Variants in GRM7 observed in about 807,000 individuals in gnomAD.
GRM7 encodes the protein metabotropic glutamate receptor 7.
GRM7 carries 35 observed loss-of-function variants against 84.5 expected under a neutral mutation model. The observed-to-expected ratio is 0.41, with a 90% CI of 0.32 to 0.55. GRM7 has a LOEUF of 0.55. Ranked by LOEUF, GRM7 falls within the 20% of genes least tolerant of loss-of-function variation. The probability of loss-of-function intolerance (pLI) is 0.19; values close to 1 mark genes in which losing one functional copy is unlikely to be tolerated. For missense variants in GRM7, 1,003 were observed against 1,194.6 expected (o/e 0.84, Z 2.36); for synonymous variants, 487 against 455.1 (o/e 1.07, Z -0.89).
intron 2 of GRM7, among the ~76,000 whole-genome samples, chr3:7,215,709 C>T (rs893771079): frequency 6.6e-6 from 1 of 151,828 alleles, no homozygotes; most frequent in Non-Finnish European, 1.5e-5. Context: ...CTTTTCTACT[C>T]TGAAAAGTTG....
At chr3:7,499,207 T>C (rs1699802423) in intron 7 of GRM7, among the ~76,000 whole-genome samples, 1 of 152,148 alleles carries the variant, frequency 6.6e-6, no homozygotes, top group East Asian at 1.9e-4. Flanking sequence ...TCTCTGGGCT[T>C]CTTTTCTGGC....
intron 9 of GRM7, among the ~76,000 whole-genome samples, chr3:7,737,739 T>A: frequency 6.6e-6 from 1 of 152,120 alleles, no homozygotes. Flanking sequence ...TGCATAGAAC[T>A]CTGTAATTTA....
chr3:6,963,206 A>G (rs1372344257), intron 1 of GRM7, among the ~76,000 whole-genome samples: 2 of 152,208 alleles, frequency 1.3e-5, no homozygotes, highest in African/African-American at 4.8e-5. Context: ...TTGCCAGGAG[A>G]GAAGTAAATT....
chr3:7,711,691 T>C (rs962120470), intron 9 of GRM7, among the ~76,000 whole-genome samples: 1 of 152,202 alleles, frequency 6.6e-6, no homozygotes, highest in African/African-American at 2.4e-5. Flanking sequence ...CATGACTCCC[T>C]ATCCGCGTTC....
At chr3:7,418,041 A>G (rs1696245226) in intron 5 of GRM7, among the ~76,000 whole-genome samples, 2 of 152,182 alleles carry the variant, frequency 1.3e-5, no homozygotes, top group South Asian at 4.1e-4. Context: ...CATACTTCAT[A>G]ATTTTACTTG....
intron 7 of GRM7, among the ~76,000 whole-genome samples, chr3:7,567,703 A>AT (rs1345338251): frequency 1.5e-5 from 2 of 137,726 alleles, no homozygotes; most frequent in Non-Finnish European, 3.1e-5. Context: ...AGCCCAGATC[A>AT]TGCCACAGCA....
chr3:7,732,171 G>A (rs1432866749), intron 9 of GRM7, among the ~76,000 whole-genome samples: 2 of 152,048 alleles, frequency 1.3e-5, no homozygotes, highest in Non-Finnish European at 2.9e-5. Context: ...TCAGCCTCCC[G>A]TATTAAGCTC....
At position 7,297,246 on chromosome 3, in the gene GRM7, T is replaced by C. The variant is rs144653541; in HGVS notation, c.737-1438T>C. The stretch of plus-strand genomic sequence containing the variant: ...TTAAAATTTACCTTGACACTTCTCT[T>C]TGATGCATGGGTTATTTGGTAGTGT... On this transcript the variant is annotated intron_variant, in intron 2 of 9. Coordinates refer to ENST00000357716, the MANE Select transcript of GRM7 (RefSeq NM_000844.4). Among the ~76,000 whole-genome samples the C allele has an allele frequency of 4.0e-3, 613 of 152,284 alleles. 5 individuals carry two copies. Among genetic ancestry groups the C allele is most frequent in the African/African-American group, 0.014 (575 of 41,568 alleles).
At chr3:7,341,209 G>T (rs1237669312) in intron 4 of GRM7, among the ~76,000 whole-genome samples, 1 of 152,200 alleles carries the variant, frequency 6.6e-6, no homozygotes, top group East Asian at 1.9e-4. Flanking sequence ...CTGTGGAAAA[G>T]AATACTTCTC....
At chr3:7,585,754 T>G (rs572081423) in intron 8 of GRM7, among the ~76,000 whole-genome samples, 4 of 152,242 alleles carry the variant, frequency 2.6e-5, no homozygotes, top group South Asian at 4.2e-4. Flanking sequence ...TAGGATAAAC[T>G]GACACATCTC....
chr3:7,699,857 T>C (rs921124108), intron 9 of GRM7, among the ~76,000 whole-genome samples: 8 of 152,206 alleles, frequency 5.3e-5, no homozygotes, highest in Non-Finnish European at 1.0e-4. Context: ...GAGGCATCTT[T>C]GACTGGAGAG....
intron 8 of GRM7, among the ~76,000 whole-genome samples, chr3:7,658,395 A>T (rs1488120731): frequency 6.6e-6 from 1 of 152,242 alleles, no homozygotes; most frequent in Middle Eastern, 3.2e-3. Context: ...AATTGGTTCC[A>T]TTGCCATTTT....
At chr3:7,177,530 G>A (rs951661615) in intron 2 of GRM7, among the ~76,000 whole-genome samples, 11 of 147,326 alleles carry the variant, frequency 7.5e-5, no homozygotes, top group African/African-American at 2.8e-4. Context: ...GGGAAGGAAG[G>A]AGGGAGGAAG....
intron 1 of GRM7, among the ~76,000 whole-genome samples, chr3:6,964,127 G>T (rs766588949): frequency 6.6e-6 from 1 of 152,030 alleles, no homozygotes; most frequent in African/African-American, 2.4e-5. Context: ...AAATTTAAAG[G>T]CCTCTTGATA....
chr3:7,095,047 C>G (rs1698807696), intron 1 of GRM7, among the ~76,000 whole-genome samples: 2 of 151,672 alleles, frequency 1.3e-5, no homozygotes, highest in Non-Finnish European at 2.9e-5. Context: ...TTATCCCTCT[C>G]CTACAATATG....
intron 2 of GRM7, among the ~76,000 whole-genome samples, chr3:7,220,672 T>C (rs368610816): frequency 6.6e-6 from 1 of 152,222 alleles, no homozygotes; most frequent in Non-Finnish European, 1.5e-5. Flanking sequence ...GTTGATTAAT[T>C]GTGACAAGTG....
intron 7 of GRM7, among the ~76,000 whole-genome samples, chr3:7,542,749 C>G (rs977808474): frequency 6.6e-6 from 1 of 151,946 alleles, no homozygotes; most frequent in East Asian, 1.9e-4. Flanking sequence ...GTTTTCACCA[C>G]GTTGGCCAGG....
chr3:6,920,412 G>C lies in GRM7; in HGVS notation c.519+58505G>C, dbSNP rs551955232. Among the ~76,000 whole-genome samples the C allele has an allele frequency of 3.9e-5, 6 of 152,038 alleles. No homozygotes were observed. The South Asian group carries it at 1.2e-3, about 32-fold the overall frequency. On this transcript the variant is annotated intron_variant, in intron 1 of 9. Transcript: ENST00000357716. ...TCTACAAAAATACAAAAAATTAGCTGGGCATGGTGGCATGCACAAGTAATC... is the reference window on the plus strand; with the variant it reads ...TCTACAAAAATACAAAAAATTAGCTCGGCATGGTGGCATGCACAAGTAATC...
Position 7,306,602 on chromosome 3 carries a change from A to T in GRM7, c.983A>T (p.Asp328Val), listed in dbSNP as rs760418541. ...ATAAACCCACTGCACCAGCATGAAGATATCGCAGAAGGGGCCATCACCATT... is the reference window on the plus strand; with the variant it reads ...ATAAACCCACTGCACCAGCATGAAGTTATCGCAGAAGGGGCCATCACCATT... ...SKINPLHQHEDIAEGAITIQP... is the reference protein window; with the variant it reads ...SKINPLHQHEVIAEGAITIQP... The change falls in exon 4 of 10, where the codon GAT (aspartate) becomes GTT (valine). Residue 328 changes from aspartate (D) to valine (V), a missense_variant. Asp to Val is a radical substitution (Grantham distance 152, BLOSUM62 -3). This residue lies in a region of GRM7 where 910 missense variants were observed against 1,126.0 expected (regional missense o/e 0.81). Coordinates refer to ENST00000357716, the MANE Select transcript of GRM7 (RefSeq NM_000844.4). 6.2e-7 allele frequency: 1 copy of T among 1,613,212 alleles called. No individual in the cohort carries two copies. The highest frequency in any genetic ancestry group is 1.1e-5 in the South Asian group (1 of 90,982).
Sources: allele counts gnomAD v4.1 joint callset (sites outside exome capture counted in the v4.1 genomes callset), GRCh38; gene constraint gnomAD v4.1.1; regional missense constraint gnomAD v4.1.1; transcripts MANE v1.5; gene names NCBI Gene and HGNC (gene_info 2026-07-23, HGNC 2026-07-21).